Variants in PTP4A1 observed in about 807,000 individuals in gnomAD.
The protein encoded by PTP4A1 is protein tyrosine phosphatase type IVA 1.
A neutral mutation model predicts 20.5 loss-of-function variants in PTP4A1; 9 were observed. The observed-to-expected ratio is 0.44, with a 90% CI of 0.26 to 0.77. The LOEUF (loss-of-function observed/expected upper bound fraction) is 0.77. PTP4A1 is among the 30% of genes least tolerant of loss of function. The pLI is 0.19. For missense variants in PTP4A1, 137 were observed against 218.8 expected (o/e 0.63, Z 2.36); for synonymous variants, 78 against 67.4 (o/e 1.16, Z -0.77).
chr6:63,576,582 AT>A lies in PTP4A1; in HGVS notation c.-298del, dbSNP rs1215516859. ...CCAAGAAGCCCCCATAAGAGTGGTT[AT>A]CCTGGACACAGAAGTGTTGAATTGA... On this transcript the variant is annotated 5_prime_UTR_variant, in exon 2 of 6. Coordinates refer to ENST00000626021, the MANE Select transcript of PTP4A1 (RefSeq NM_003463.5). The A allele has an allele frequency of 1.1e-5, 5 of 464,662 alleles. No homozygotes were observed. In the East Asian group the frequency reaches 1.7e-4, roughly 16 times the overall value. 28.8% of individuals were successfully genotyped at this position (464,662 alleles called of 1,614,324 possible).
At chr6:63,568,276 A>G (rs987337212), upstream of PTP4A1, among the ~76,000 whole-genome samples, 3 of 152,214 alleles carry the variant, frequency 2.0e-5, no homozygotes, top group African/African-American at 7.2e-5. Flanking sequence ...GCTTTGATTT[A>G]AAGTGAGAGA....
intron 2 of PTP4A1, among the ~76,000 whole-genome samples, chr6:63,531,151 G>A (rs1775440973): frequency 6.6e-6 from 1 of 152,158 alleles, no homozygotes; most frequent in African/African-American, 2.4e-5. Context: ...CCTGCCTCTT[G>A]AGTTGGTGTC....
chr6:63,528,167 T>C (rs1775268716), intron 2 of PTP4A1: 1 of 152,150 alleles, frequency 6.6e-6, no homozygotes, highest in Non-Finnish European at 1.5e-5. Context: ...CTACATATAT[T>C]GGTTCATAAA....
At chr6:63,539,600 A>AC (rs1429750392) in intron 2 of PTP4A1, among the ~76,000 whole-genome samples, 2 of 151,924 alleles carry the variant, frequency 1.3e-5, no homozygotes, top group Non-Finnish European at 2.9e-5. Context: ...ACATGGTGAA[A>AC]CCCCGTCTCT....
upstream of PTP4A1, among the ~76,000 whole-genome samples, chr6:63,518,437 G>C (rs781514044): frequency 1.3e-5 from 2 of 152,020 alleles, no homozygotes; most frequent in Admixed American, 1.3e-4. Context: ...ACATCCCCAG[G>C]GCAAACAAAG....
intron 3 of PTP4A1, among the ~76,000 whole-genome samples, chr6:63,554,081 A>T (rs1400006015): frequency 6.6e-6 from 1 of 152,210 alleles, no homozygotes; most frequent in Non-Finnish European, 1.5e-5. Context: ...ATTTAAATTT[A>T]AAAACATTCA....
rs1778351208 is a variant in PTP4A1 at position 63,583,178 on chromosome 6, G to T, written c.*3004G>T. 1 of 152,322 alleles carries T rather than the reference G, an allele frequency of 6.6e-6. No individual in the cohort carries two copies. The highest frequency in any genetic ancestry group is 6.5e-5 in the Admixed American group (1 of 15,304). The allele number at this position is 152,322 out of a possible 1,614,324, so 9.4% of individuals were successfully genotyped here. A position where few individuals can be genotyped will look rare whatever the true frequency, so the allele number is the denominator to read the frequency against. ...TAATTTGAGAATACTTTAAAGGGAA[G>T]TGGAAGTATAAGTGAATGATATTTT... is the stretch of plus-strand genomic sequence containing the variant. On this transcript the variant is annotated 3_prime_UTR_variant, in exon 6 of 6. Coordinates refer to ENST00000626021, the MANE Select transcript of PTP4A1 (RefSeq NM_003463.5).
chr6:63,526,833 A>ATATATATATATATATT (rs1486980690), intron 1 of PTP4A1, among the ~76,000 whole-genome samples: 32 of 128,018 alleles, frequency 2.5e-4, no homozygotes, highest in African/African-American at 4.8e-4. Flanking sequence ...ATATATATAT[A>ATATATATATATATATT]TATTTATTTA....
At chr6:63,535,876 A>G (rs72880879) in intron 2 of PTP4A1, among the ~76,000 whole-genome samples, 13,214 of 152,230 alleles carry the variant, frequency 0.087, 615 homozygotes, top group East Asian at 0.16. Context: ...ACCAGGCTGC[A>G]ATTCTCCTGC....
intron 2 of PTP4A1, among the ~76,000 whole-genome samples, chr6:63,537,480 A>G (rs1177769485): frequency 1.3e-5 from 2 of 152,232 alleles, no homozygotes; most frequent in African/African-American, 4.8e-5. Flanking sequence ...TTTGGCATCA[A>G]TATGGTTCTC....
the PTP4A1 span, among the ~76,000 whole-genome samples, chr6:63,516,694 CTT>C: frequency 3.3e-5 from 5 of 152,290 alleles, no homozygotes; most frequent in Non-Finnish European, 7.4e-5. Context: ...AAAAAAATCT[CTT>C]TTACAACTAG....
At chr6:63,560,718 T>C (rs1776909482) in intron 3 of PTP4A1, among the ~76,000 whole-genome samples, 1 of 152,182 alleles carries the variant, frequency 6.6e-6, no homozygotes, top group Non-Finnish European at 1.5e-5. Flanking sequence ...AGCCTAATTT[T>C]TGAAATTAAG....
intron 2 of PTP4A1, among the ~76,000 whole-genome samples, chr6:63,531,210 G>A (rs1462072871): frequency 1.3e-5 from 2 of 152,150 alleles, no homozygotes; most frequent in East Asian, 3.9e-4. Flanking sequence ...CTGGTTCACA[G>A]CCAATGGGCA....
At chr6:63,530,724 A>T (rs1416160980) in intron 2 of PTP4A1, among the ~76,000 whole-genome samples, 1 of 152,246 alleles carries the variant, frequency 6.6e-6, no homozygotes, top group Non-Finnish European at 1.5e-5. Flanking sequence ...AAGTACATCA[A>T]AATGAAATTT....
At chr6:63,540,251 GAGCCC>G (rs56825688) in intron 2 of PTP4A1, among the ~76,000 whole-genome samples, 13,238 of 152,208 alleles carry the variant, frequency 0.087, 621 homozygotes, top group East Asian at 0.16. Flanking sequence ...GAAAAGGCAG[GAGCCC>G]AGATGTATAT....
At chr6:63,537,714 C>A (rs1449732676) in intron 2 of PTP4A1, among the ~76,000 whole-genome samples, 1 of 152,230 alleles carries the variant, frequency 6.6e-6, no homozygotes, top group Non-Finnish European at 1.5e-5. Flanking sequence ...AAACCATTAA[C>A]ACCCTTGTCA....
Position 63,529,895 on chromosome 6 carries a change from G to A in PTP4A1, c.-640+1811G>A, listed in dbSNP as rs146130169. 2.4e-3 allele frequency among the ~76,000 whole-genome samples: 365 copies of A among 152,240 alleles called. 1 individual carries two copies. The highest frequency in any genetic ancestry group is 8.4e-3 in the African/African-American group (349 of 41,538). On this transcript the variant is annotated intron_variant, in intron 2 of 3. Coordinates refer to the PTP4A1 transcript ENST00000639568. ...TGTAAAAATATGTCTGCAGTTACCA[G>A]TAAGTTAGTATTTTCACTATTAAAG...
intron 1 of PTP4A1, among the ~76,000 whole-genome samples, chr6:63,526,987 G>T (rs930711644): frequency 2.0e-5 from 3 of 151,486 alleles, no homozygotes; most frequent in Admixed American, 6.6e-5. Context: ...TCTTTATTAG[G>T]GCACTGCTTC....
intron 2 of PTP4A1, among the ~76,000 whole-genome samples, chr6:63,546,295 C>T (rs1776176554): frequency 6.6e-6 from 1 of 152,210 alleles, no homozygotes; most frequent in Non-Finnish European, 1.5e-5. Flanking sequence ...CAGAAAGACA[C>T]ATACTCTATG....
Sources: allele counts gnomAD v4.1 joint callset (sites outside exome capture counted in the v4.1 genomes callset), GRCh38; gene constraint gnomAD v4.1.1; transcripts MANE v1.5; gene names NCBI Gene and HGNC (gene_info 2026-07-23, HGNC 2026-07-21).